The following FIBCD1 variants were observed in gnomAD, a reference collection of about 807,000 sequenced individuals.
FIBCD1 encodes the protein fibrinogen C domain containing 1, also known as fibrinogen C domain-containing protein 1.
Under a neutral mutation model 45.1 loss-of-function variants are expected in FIBCD1, and 47 were observed. That is an observed-to-expected ratio of 1.04 (90% CI 0.82 to 1.33). The LOEUF (loss-of-function observed/expected upper bound fraction) is 1.33. FIBCD1 is among the 40% of genes most tolerant of loss of function. The probability of loss-of-function intolerance (pLI) is 0.00; values close to 1 mark genes in which losing one functional copy is unlikely to be tolerated. For missense variants in FIBCD1, 653 were observed against 682.2 expected (o/e 0.96, Z 0.48); for synonymous variants, 313 against 308.1 (o/e 1.02, Z -0.17).
chr9:130,913,502 G>A (rs1348465167), intron 4 of FIBCD1, among the ~76,000 whole-genome samples: 3 of 152,208 alleles, frequency 2.0e-5, no homozygotes, highest in African/African-American at 4.8e-5. Flanking sequence ...GGACGTGTCC[G>A]TCACGGCGTT....
rs1205518768 is a variant in FIBCD1, at chr9:130,922,275, C to A, written c.849+1469G>T. Among the ~76,000 whole-genome samples the A allele has an allele frequency of 6.6e-6, 1 of 152,086 alleles. No homozygotes were observed. The highest frequency in any genetic ancestry group is 1.5e-5 in the Non-Finnish European group (1 of 68,018). On this transcript the variant is annotated intron_variant, in intron 4 of 6. Transcript: ENST00000372338. The surrounding 1 kb of genome is among the most constrained non-coding windows in gnomAD (Gnocchi z 4.5). Reference sequence around the variant, plus strand: ...GCGGTGGGGTTCTCACCGGCCCACCCCCGGGCCTGGTCTGGGGTCTCTGTT... The same window carrying A: ...GCGGTGGGGTTCTCACCGGCCCACCACCGGGCCTGGTCTGGGGTCTCTGTT...
At chr9:130,936,017 G>A (rs563409550) in intron 1 of FIBCD1, among the ~76,000 whole-genome samples, 1 of 152,326 alleles carries the variant, frequency 6.6e-6, no homozygotes, top group East Asian at 1.9e-4. Flanking sequence ...CCGGGACACA[G>A]CCAGCCTGTG....
At chr9:130,904,558 T>C (rs1831893098) in intron 6 of FIBCD1, among the ~76,000 whole-genome samples, 1 of 151,954 alleles carries the variant, frequency 6.6e-6, no homozygotes, top group Non-Finnish European at 1.5e-5. Flanking sequence ...TGCCTGGGGC[T>C]GCCCCTGGGT....
At chr9:130,906,434 C>T (rs1230904141) in intron 5 of FIBCD1, among the ~76,000 whole-genome samples, 5 of 152,206 alleles carry the variant, frequency 3.3e-5, no homozygotes, top group African/African-American at 9.7e-5. Context: ...TCCCCCATCC[C>T]GCCCGGACAA....
At chr9:130,919,860 C>T (rs901954721) in intron 4 of FIBCD1, among the ~76,000 whole-genome samples, 10 of 151,790 alleles carry the variant, frequency 6.6e-5, no homozygotes, top group South Asian at 4.2e-4. Context: ...CTGGACCTCA[C>T]GTGTGTGACC....
chr9:130,938,349 C>T (rs1165007196), intron 1 of FIBCD1, 187 bp downstream of exon 1: 6 of 476,500 alleles, frequency 1.3e-5, no homozygotes, highest in East Asian at 3.8e-5. Context: ...CCGCCCCCAC[C>T]GAACCTCGAG....
chr9:130,913,116 T>C (rs1418497361), intron 4 of FIBCD1, among the ~76,000 whole-genome samples: 1 of 152,068 alleles, frequency 6.6e-6, no homozygotes, highest in Admixed American at 6.5e-5. Context: ...GAGTCAGGAA[T>C]CCCATCGGTT....
chr9:130,910,004 G>A (rs893962750), intron 5 of FIBCD1, among the ~76,000 whole-genome samples: 2 of 152,240 alleles, frequency 1.3e-5, no homozygotes, highest in African/African-American at 4.8e-5. Flanking sequence ...CCTCTGCGTG[G>A]GCTCCCACTT....
chr9:130,903,815 A>G lies in FIBCD1; in HGVS notation c.*249T>C. 1.0e-5 allele frequency: 6 copies of G among 596,064 alleles called. No homozygotes were observed. Among genetic ancestry groups the G allele is most frequent in the Admixed American group, 2.8e-5 (1 of 35,788 alleles). 36.9% of individuals were successfully genotyped at this position (596,064 alleles called of 1,614,324 possible). On this transcript the variant is annotated 3_prime_UTR_variant, in exon 7 of 7. Coordinates refer to ENST00000372338, the MANE Select transcript of FIBCD1 (RefSeq NM_032843.5). ...GGGGCAGGCAGGAGTTGGGGTCGTC[A>G]AGTTTGCCAGCCCCCATCAGCAGAG...
At chr9:130,931,402 G>A (rs545851649) in intron 1 of FIBCD1, among the ~76,000 whole-genome samples, 35 of 152,286 alleles carry the variant, frequency 2.3e-4, no homozygotes, top group Admixed American at 8.5e-4. Context: ...CCAGCTACTC[G>A]GGAGGCTGAG....
intron 5 of FIBCD1, among the ~76,000 whole-genome samples, chr9:130,909,723 G>A (rs755399896): frequency 1.2e-4 from 18 of 151,094 alleles, no homozygotes; most frequent in Non-Finnish European, 2.7e-4. Flanking sequence ...GATAAATGAA[G>A]TTTTGTTTAG....
At chr9:130,927,903 T>G (rs1216545820) in intron 2 of FIBCD1, among the ~76,000 whole-genome samples, 1 of 152,212 alleles carries the variant, frequency 6.6e-6, no homozygotes, top group African/African-American at 2.4e-5. Flanking sequence ...TCAAGTGATC[T>G]GCCCGCCTCG....
rs1440482342 is a variant in FIBCD1, at chr9:130,939,222, C to T, written c.-615G>A. On this transcript the variant is annotated 5_prime_UTR_variant, in exon 1 of 7. It adds an upstream start codon to the 5' untranslated region. Transcript: ENST00000372338. ...TCCCGGACCGGACTCACACAAGTCA[C>T]CATGCGCGGGGCGGGCCCCGAGGGC... is the stretch of plus-strand genomic sequence containing the variant. 1.3e-5 allele frequency: 2 copies of T among 152,048 alleles called. No homozygotes were observed. Among genetic ancestry groups the T allele is most frequent in the African/African-American group, 4.8e-5 (2 of 41,438 alleles). 9.4% of individuals were successfully genotyped at this position (152,048 alleles called of 1,614,324 possible).
intron 3 of FIBCD1, 135 bp from the exon 4 acceptor site, chr9:130,924,015 C>A: frequency 1.4e-6 from 2 of 1,412,432 alleles, no homozygotes; most frequent in South Asian, 1.3e-5. Flanking sequence ...TGGAGTCCGA[C>A]CTTGGCTCTG....
In FIBCD1 at chr9:130,904,292, C is replaced by T. The variant is rs565567648; in HGVS notation, c.1158G>A (p.Arg386=). The T allele has an allele frequency of 5.0e-6, 8 of 1,610,948 alleles. No individual in the cohort carries two copies. In the South Asian group the frequency reaches 6.6e-5, roughly 13 times the overall value. Residue 386 remains arginine (R), a synonymous_variant, in exon 7 of 7, where the codon AGG becomes AGA. Transcript: ENST00000372338. ...CGCTGTCACGGTCCTTGGTGGTGAACCTCATGCCGCTGTGCTTCAGGAGGG... is the reference window on the plus strand; with the variant it reads ...CGCTGTCACGGTCCTTGGTGGTGAATCTCATGCCGCTGTGCTTCAGGAGGG... The part of the protein sequence containing the change: ...GDSLLKHSGM[R]FTTKDRDSDH...
Position 130,918,558 on chromosome 9 carries a change from C to T in FIBCD1, c.849+5186G>A, listed in dbSNP as rs1233542906. On this transcript the variant is annotated intron_variant, in intron 4 of 6. Transcript: ENST00000372338. ...CTCCCAGCCTCCCGGGCTTTCTGATCAGGTGATTCTGGGAGGGGGGCAGAG... is the reference window on the plus strand; with the variant it reads ...CTCCCAGCCTCCCGGGCTTTCTGATTAGGTGATTCTGGGAGGGGGGCAGAG... 2.6e-5 allele frequency among the ~76,000 whole-genome samples: 4 copies of T among 152,174 alleles called. 1 individual carries two copies. Among genetic ancestry groups the T allele is most frequent in the Admixed American group, 1.3e-4 (2 of 15,280 alleles).
At position 130,911,814 on chromosome 9, in the gene FIBCD1, C is replaced by T; in HGVS notation, c.924G>A (p.Arg308=). 2.5e-6 allele frequency: 4 copies of T among 1,603,634 alleles called. No homozygotes were observed. The highest frequency in any genetic ancestry group is 3.4e-6 in the Non-Finnish European group (4 of 1,175,944). Residue 308 remains arginine (R), a synonymous_variant, in exon 5 of 7, where the codon AGG becomes AGA. Transcript: ENST00000372338. ...CACCTAGCCAGTGCTCCCCGGTGAG[C>T]CTGCCAAAGCCGTCTCGGTACGCAT... ...GWDAYRDGFG[R]LTGEHWLGLK... is the part of the protein sequence containing the mutation.
At chr9:130,940,098 C>T (rs1289169587), upstream of FIBCD1, among the ~76,000 whole-genome samples, 3 of 152,238 alleles carry the variant, frequency 2.0e-5, no homozygotes, top group Admixed American at 6.5e-5. Context: ...CTCCGTCTCT[C>T]CCCCACTGGC....
intron 6 of FIBCD1, 86 bp downstream of exon 6, chr9:130,905,148 G>A (rs1160875800): frequency 5.3e-6 from 7 of 1,327,352 alleles, no homozygotes; most frequent in Non-Finnish European, 7.2e-6. Context: ...CATTAGCCTT[G>A]ATCATTTTGG....
Sources: allele counts gnomAD v4.1 joint callset (sites outside exome capture counted in the v4.1 genomes callset), GRCh38; gene constraint gnomAD v4.1.1; non-coding constraint Gnocchi (gnomAD v3.1); transcripts MANE v1.5; gene names NCBI Gene and HGNC (gene_info 2026-07-23, HGNC 2026-07-21).